The following CCND3 variants were observed in gnomAD, a reference collection of about 807,000 sequenced individuals.
CCND3 encodes the protein cyclin D3, also known as G1/S-specific cyclin-D3.
Under a neutral mutation model 28.7 loss-of-function variants are expected in CCND3, and 9 were observed. The observed-to-expected ratio is 0.31, with a 90% CI of 0.19 to 0.55. CCND3 has a LOEUF of 0.55. Among genes scored for constraint, CCND3 ranks in the 20% least tolerant of loss-of-function variants. The pLI, the probability that CCND3 is intolerant of heterozygous loss-of-function variation, is 0.93. For synonymous variants in CCND3, 164 were observed against 163.9 expected (o/e 1.00, Z 0.00); for missense variants, 315 against 385.8 (o/e 0.82, Z 1.54).
At chr6:41,967,520 A>T (rs1761919703) in intron 1 of CCND3, among the ~76,000 whole-genome samples, 1 of 152,212 alleles carries the variant, frequency 6.6e-6, no homozygotes, top group African/African-American at 2.4e-5. Flanking sequence ...TCTCTAGTCC[A>T]GGCTTCTTAG....
intron 1 of CCND3, among the ~76,000 whole-genome samples, chr6:41,968,540 A>G (rs766982050): frequency 9.2e-5 from 14 of 152,110 alleles, no homozygotes; most frequent in Non-Finnish European, 1.8e-4. Context: ...TGATTACACC[A>G]TGGTACTCCA....
intron 1 of CCND3, among the ~76,000 whole-genome samples, chr6:42,023,566 G>A (rs941585422): frequency 3.9e-5 from 6 of 152,156 alleles, no homozygotes; most frequent in Admixed American, 3.9e-4. Context: ...TCACCAGTTT[G>A]GTGTTCGTGG....
At chr6:42,015,852 T>C (rs1352520891) in intron 1 of CCND3, among the ~76,000 whole-genome samples, 1 of 151,556 alleles carries the variant, frequency 6.6e-6, no homozygotes, top group Non-Finnish European at 1.5e-5. Flanking sequence ...TTGCCTCACA[T>C]TTTTTTGTGT....
At chr6:41,948,041 A>C (rs1347574540) in intron 1 of CCND3, among the ~76,000 whole-genome samples, 1 of 152,102 alleles carries the variant, frequency 6.6e-6, no homozygotes. Context: ...ATCTGCCTGG[A>C]ATGTTCTGCC....
intron 1 of CCND3, among the ~76,000 whole-genome samples, chr6:42,046,654 G>A (rs565004214): frequency 2.8e-4 from 43 of 151,098 alleles, no homozygotes; most frequent in African/African-American, 8.2e-4. Context: ...ACACGCGCGC[G>A]CACACACACA....
chr6:42,000,082 AT>A (rs1325352867), intron 1 of CCND3, among the ~76,000 whole-genome samples: 1 of 151,912 alleles, frequency 6.6e-6, no homozygotes, highest in Non-Finnish European at 1.5e-5. Flanking sequence ...GAGAATACAC[AT>A]TCTTTTCAAG....
At chr6:41,962,460 C>G (rs2127404733) in intron 1 of CCND3, among the ~76,000 whole-genome samples, 1 of 152,158 alleles carries the variant, frequency 6.6e-6, no homozygotes, top group East Asian at 1.9e-4. Context: ...TCCCCAAAAC[C>G]TTAAAACCAG....
rs148063981 is a variant in CCND3, at chr6:41,990,772, C to T, written c.-45-50187G>A. 3.9e-3 allele frequency among the ~76,000 whole-genome samples: 579 copies of T among 147,394 alleles called. 2 individuals carry two copies. Among genetic ancestry groups the T allele is most frequent in the African/African-American group, 0.014 (543 of 39,856 alleles). Reference sequence around the variant, plus strand: ...TCTCAGCTCCCTGCACCTCTGCCTCCGGAGTTCAAGTGATTATCCTGCCTC... The same window carrying T: ...TCTCAGCTCCCTGCACCTCTGCCTCTGGAGTTCAAGTGATTATCCTGCCTC... On this transcript the variant is annotated intron_variant, in intron 1 of 4. Coordinates refer to the CCND3 transcript ENST00000372988.
chr6:41,993,148 C>A (rs1762702941), intron 1 of CCND3, among the ~76,000 whole-genome samples: 1 of 151,968 alleles, frequency 6.6e-6, no homozygotes, highest in Non-Finnish European at 1.5e-5. Context: ...AGTGATCTCC[C>A]CACCTTGGCC....
At chr6:42,036,631 TG>T (rs1764227995) in intron 1 of CCND3, among the ~76,000 whole-genome samples, 1 of 151,248 alleles carries the variant, frequency 6.6e-6, no homozygotes, top group African/African-American at 2.4e-5. Flanking sequence ...CTCCAACTCC[TG>T]GGCTCAAGTT....
chr6:42,008,050 G>A (rs1046499823), intron 1 of CCND3, among the ~76,000 whole-genome samples: 1 of 152,034 alleles, frequency 6.6e-6, no homozygotes, highest in Non-Finnish European at 1.5e-5. Context: ...TTCCTTTATT[G>A]CCTATAGCTC....
upstream of CCND3, chr6:41,941,858 T>C (rs980084731): frequency 8.3e-5 from 21 of 252,110 alleles, no homozygotes; most frequent in Middle Eastern, 1.2e-3. The surrounding 1 kb of genome is among the most constrained non-coding windows in gnomAD (Gnocchi z 6.1). Context: ...TGCTCGGACG[T>C]CGCAACGCTC....
intron 1 of CCND3, among the ~76,000 whole-genome samples, chr6:42,045,301 C>A (rs1247381236): frequency 3.3e-5 from 5 of 152,136 alleles, no homozygotes; most frequent in Non-Finnish European, 7.3e-5. Context: ...TCAGATAGAT[C>A]CTCGTTCAAT....
chr6:42,009,176 T>A (rs534740623), intron 1 of CCND3, among the ~76,000 whole-genome samples: 2 of 152,260 alleles, frequency 1.3e-5, no homozygotes, highest in East Asian at 3.9e-4. Flanking sequence ...GGCCTACTTA[T>A]CAGAAACCTT....
chr6:41,940,524 C>A lies in CCND3; in HGVS notation c.260G>T (p.Arg87Leu). ...TCGGGTGGGGACGCAAGACAGGTAG[C>A]GATCCAGGTAGTTCATGGCCAGGGG... The part of the protein sequence containing the change: ...VFPLAMNYLD[R>L]YLSCVPTRKA... The change falls in exon 2 of 5, where the codon CGC becomes CTC. Residue 87 changes from arginine to leucine, a missense_variant. Coordinates refer to ENST00000372991, the MANE Select transcript of CCND3 (RefSeq NM_001760.5). 6.2e-7 allele frequency: 1 copy of A among 1,613,884 alleles called. No individual in the cohort carries two copies. Among genetic ancestry groups the A allele is most frequent in the Non-Finnish European group, 8.5e-7 (1 of 1,179,974 alleles).
At chr6:42,021,574 T>G (rs536318489) in intron 1 of CCND3, among the ~76,000 whole-genome samples, 1 of 152,246 alleles carries the variant, frequency 6.6e-6, no homozygotes, top group Admixed American at 6.5e-5. Context: ...CCACACATAA[T>G]ACACACTAGG....
In CCND3 at chr6:41,940,579, C is replaced by T. The variant is rs141840041; in HGVS notation, c.205G>A (p.Glu69Lys). 3.7e-6 allele frequency: 6 copies of T among 1,612,758 alleles called. No homozygotes were observed. Among genetic ancestry groups the T allele is most frequent in the Non-Finnish European group, 5.1e-6 (6 of 1,179,426 alleles). Residue 69 changes from glutamate to lysine, a missense_variant, in exon 2 of 5, where the codon GAG becomes AAG. By Grantham distance (56) the Glu-to-Lys change is moderately conservative (BLOSUM62 1). Transcript: ENST00000372991. Reference protein sequence around the residue: ...MLAYWMLEVCEEQRCEEEVFP... With the variant: ...MLAYWMLEVCKEQRCEEEVFP... ...ACTTCCTCCTCACAGCGCTGCTCCT[C>T]ACATACCTGGGGGAGGGCGCACAGT...
intron 1 of CCND3, among the ~76,000 whole-genome samples, chr6:42,009,502 C>T (rs1403607792): frequency 6.6e-6 from 1 of 152,188 alleles, no homozygotes; most frequent in Non-Finnish European, 1.5e-5. Context: ...ATCCCAGCTA[C>T]TCAGGAGGCT....
At chr6:42,016,615 C>T (rs770944449) in intron 1 of CCND3, among the ~76,000 whole-genome samples, 128 of 111,218 alleles carry the variant, frequency 1.2e-3, no homozygotes, top group Non-Finnish European at 1.6e-3. Context: ...TTTTTTGAGA[C>T]GGAGTTATTG....
Sources: allele counts gnomAD v4.1 joint callset (sites outside exome capture counted in the v4.1 genomes callset), GRCh38; gene constraint gnomAD v4.1.1; non-coding constraint Gnocchi (gnomAD v3.1); transcripts MANE v1.5; gene names NCBI Gene and HGNC (gene_info 2026-07-23, HGNC 2026-07-21).